Variants in LRRC4C observed in about 807,000 individuals in gnomAD.
LRRC4C encodes the protein leucine-rich repeat-containing protein 4C.
In LRRC4C, 5 loss-of-function variants were observed where a neutral mutation model predicts 33.6. The ratio of observed to expected loss-of-function variants is 0.15; its 90% CI spans 0.08 to 0.31. The LOEUF (loss-of-function observed/expected upper bound fraction) is 0.31. Among genes scored for constraint, LRRC4C ranks in the 10% least tolerant of loss-of-function variants. The probability of loss-of-function intolerance (pLI) is 1.00; values close to 1 mark genes in which losing one functional copy is unlikely to be tolerated. For missense variants in LRRC4C, 560 were observed against 796.7 expected, an observed-to-expected ratio of 0.70 and a Z score of 3.58; for synonymous variants, 329 against 302.0, an observed-to-expected ratio of 1.09 and a Z score of -0.93.
intron 1 of LRRC4C, among the ~76,000 whole-genome samples, chr11:41,374,637 A>T (rs1952872011): frequency 6.6e-6 from 1 of 152,200 alleles, no homozygotes; most frequent in Admixed American, 6.5e-5. Flanking sequence ...CTGAATCTCA[A>T]TTTAAACAGG....
At chr11:40,134,044 G>A (rs1856816684) in intron 6 of LRRC4C, among the ~76,000 whole-genome samples, 2 of 151,968 alleles carry the variant, frequency 1.3e-5, no homozygotes, top group Admixed American at 1.3e-4. Context: ...TTTAGAATGA[G>A]GTATTATAGC....
chr11:40,178,626 A>C (rs1010831242), intron 5 of LRRC4C, among the ~76,000 whole-genome samples: 4 of 152,184 alleles, frequency 2.6e-5, no homozygotes, highest in African/African-American at 9.7e-5. Context: ...CTGTTAAGAC[A>C]AGGGCTTGTA....
intron 3 of LRRC4C, among the ~76,000 whole-genome samples, chr11:40,500,762 C>A (rs1242361671): frequency 6.6e-6 from 1 of 152,006 alleles, no homozygotes; most frequent in Non-Finnish European, 1.5e-5. Flanking sequence ...AGAGCCAACC[C>A]ATATCATTTC....
chr11:41,247,671 A>T (rs1948497315), intron 1 of LRRC4C, among the ~76,000 whole-genome samples: 1 of 152,204 alleles, frequency 6.6e-6, no homozygotes, highest in African/African-American at 2.4e-5. Flanking sequence ...TTCACTTTTT[A>T]GAAGGGAACA....
At chr11:40,926,332 A>C (rs1216093698) in intron 2 of LRRC4C, among the ~76,000 whole-genome samples, 1 of 152,202 alleles carries the variant, frequency 6.6e-6, no homozygotes, top group East Asian at 1.9e-4. Context: ...GCTAAGGACA[A>C]AAATGGACAA....
chr11:40,641,050 A>G (rs1266157511), intron 3 of LRRC4C, among the ~76,000 whole-genome samples: 2 of 151,832 alleles, frequency 1.3e-5, no homozygotes, highest in Admixed American at 1.3e-4. Context: ...ATTTAAAAAA[A>G]CCTAATAAAC....
intron 3 of LRRC4C, among the ~76,000 whole-genome samples, chr11:40,404,473 A>G (rs1565355386): frequency 6.6e-6 from 1 of 152,114 alleles, no homozygotes; most frequent in African/African-American, 2.4e-5. Context: ...CTCACCTTCC[A>G]TATTAAACTA....
At chr11:40,697,570 T>C (rs1253444655) in intron 2 of LRRC4C, among the ~76,000 whole-genome samples, 1 of 152,216 alleles carries the variant, frequency 6.6e-6, no homozygotes, top group Non-Finnish European at 1.5e-5. Context: ...ATGGATCTGA[T>C]TCCCTGATTC....
chr11:40,942,901 C>T (rs1409943438), intron 1 of LRRC4C, among the ~76,000 whole-genome samples: 5 of 152,162 alleles, frequency 3.3e-5, no homozygotes, highest in Non-Finnish European at 7.3e-5. Flanking sequence ...CTCCCCATAA[C>T]CCCTATTACT....
intron 1 of LRRC4C, among the ~76,000 whole-genome samples, chr11:41,253,354 C>G (rs1948702612): frequency 6.6e-6 from 1 of 152,110 alleles, no homozygotes; most frequent in Non-Finnish European, 1.5e-5. Context: ...CAAAGCTGCT[C>G]TAAGTAGCTT....
At chr11:40,620,739 A>G (rs1962370146) in intron 3 of LRRC4C, among the ~76,000 whole-genome samples, 1 of 151,876 alleles carries the variant, frequency 6.6e-6, no homozygotes, top group Non-Finnish European at 1.5e-5. Flanking sequence ...GATATTGCAT[A>G]TTATGCATTG....
At chr11:40,243,684 T>C (rs11821901) in intron 4 of LRRC4C, among the ~76,000 whole-genome samples, 2 of 147,514 alleles carry the variant, frequency 1.4e-5, no homozygotes, top group East Asian at 2.0e-4. Context: ...AAAAAACTTA[T>C]ATCTTTTTTT....
At position 41,157,539 on chromosome 11, in the gene LRRC4C, GGC is replaced by G. The variant is rs556985088; in HGVS notation, c.-495-223818_-495-223817del. Among the ~76,000 whole-genome samples the G allele has an allele frequency of 5.3e-5, 8 of 152,098 alleles. No homozygotes were observed. In the South Asian group the frequency reaches 1.7e-3, roughly 32 times the overall value. On this transcript the variant is annotated intron_variant, in intron 1 of 6. Transcript: ENST00000528697. ...GATATACTGTCTTAAATCCACTATT[GGC>G]AGAAGTAACCAAAATTATGTTTGGG... is the stretch of plus-strand genomic sequence containing the variant.
chr11:40,417,736 C>A (rs999726823), intron 3 of LRRC4C, among the ~76,000 whole-genome samples: 5 of 152,036 alleles, frequency 3.3e-5, no homozygotes, highest in African/African-American at 1.2e-4. Flanking sequence ...TTTTAACAAG[C>A]CTTTCTGAGA....
intron 3 of LRRC4C, among the ~76,000 whole-genome samples, chr11:40,370,997 T>A (rs1448090597): frequency 6.6e-6 from 1 of 152,152 alleles, no homozygotes; most frequent in East Asian, 1.9e-4. Flanking sequence ...CACTGTACAT[T>A]GATTTTTTTA....
At chr11:40,208,278 T>C (rs1469872602) in intron 5 of LRRC4C, among the ~76,000 whole-genome samples, 1 of 152,062 alleles carries the variant, frequency 6.6e-6, no homozygotes, top group African/African-American at 2.4e-5. Flanking sequence ...GTTGAGCAAA[T>C]TGCAAATGAA....
chr11:41,098,954 A>G (rs1251779473), intron 1 of LRRC4C, among the ~76,000 whole-genome samples: 4 of 152,112 alleles, frequency 2.6e-5, no homozygotes, highest in African/African-American at 9.6e-5. Context: ...AGAATAATAA[A>G]GAAGAAAAGA....
At chr11:40,213,127 G>A (rs142527384) in intron 5 of LRRC4C, among the ~76,000 whole-genome samples, 7 of 152,152 alleles carry the variant, frequency 4.6e-5, no homozygotes, top group African/African-American at 9.6e-5. Context: ...GACCCATTTC[G>A]CAGAATGCAG....
intron 2 of LRRC4C, among the ~76,000 whole-genome samples, chr11:40,717,108 G>A (rs1946765418): frequency 6.6e-6 from 1 of 152,048 alleles, no homozygotes. Flanking sequence ...TGTCCTCCAT[G>A]GGCTTACAAC....
Sources: allele counts gnomAD v4.1 joint callset (sites outside exome capture counted in the v4.1 genomes callset), GRCh38; gene constraint gnomAD v4.1.1; transcripts MANE v1.5; gene names NCBI Gene and HGNC (gene_info 2026-07-23, HGNC 2026-07-21).